The following ZNF761 variants were observed in gnomAD, a reference collection of about 807,000 sequenced individuals.
ZNF761 encodes the protein zinc finger protein 761.
In ZNF761, 43 loss-of-function variants were observed where a neutral mutation model predicts 59.9. That is an observed-to-expected ratio of 0.72 (90% confidence interval 0.56 to 0.92). The LOEUF is 0.92. Ranked by LOEUF, ZNF761 falls within the 40% of genes least tolerant of loss-of-function variation. ZNF761 has a pLI of 0.00. For missense variants in ZNF761, 850 were observed against 906.1 expected, an observed-to-expected ratio of 0.94 and a Z score of 0.79; for synonymous variants, 294 against 304.8, an observed-to-expected ratio of 0.96 and a Z score of 0.37.
intron 1 of ZNF761, among the ~76,000 whole-genome samples, chr19:53,436,125 T>C (rs372333835): frequency 6.6e-6 from 1 of 152,286 alleles, no homozygotes; most frequent in South Asian, 2.1e-4. Context: ...GTTCCACTTG[T>C]CCTGAACTGC....
Position 53,456,394 on chromosome 19 carries a change from C to A in ZNF761, c.1887C>A (p.Thr629=). The part of the protein sequence containing the change: ...SSLTCHRRLH[T]GEKPYKCEEC... ...TTACATGCCATCGTAGACTTCATACCGGAGAGAAACCTTACAAATGTGAAG... is the reference window on the plus strand; with the variant it reads ...TTACATGCCATCGTAGACTTCATACAGGAGAGAAACCTTACAAATGTGAAG... Residue 629 remains threonine, a synonymous_variant, in exon 5 of 5, where the codon ACC becomes ACA. Transcript: ENST00000684525. 6.3e-7 allele frequency: 1 copy of A among 1,594,018 alleles called. No individual in the cohort carries two copies. The highest frequency in any genetic ancestry group is 8.5e-7 in the Non-Finnish European group (1 of 1,172,120).
At chr19:53,454,099 G>A (rs2708745) in intron 4 of ZNF761, among the ~76,000 whole-genome samples, 6,808 of 151,910 alleles carry the variant, frequency 0.045, 532 homozygotes, top group African/African-American at 0.16. Context: ...TCAGCCTCCC[G>A]AGTAGCTGGG....
intron 1 of ZNF761, among the ~76,000 whole-genome samples, chr19:53,438,901 G>A (rs1276102101): frequency 2.0e-5 from 3 of 152,162 alleles, no homozygotes; most frequent in Non-Finnish European, 4.4e-5. Flanking sequence ...AAGAAAGCTC[G>A]TCTATGTACT....
chr19:53,442,413 T>C, intron 1 of ZNF761: 3 of 932,596 alleles, frequency 3.2e-6, no homozygotes, highest in Non-Finnish European at 5.2e-6. Flanking sequence ...AGAAGACAAA[T>C]GTGAGGAAGA....
At chr19:53,451,792 T>C (rs1481529886) in intron 4 of ZNF761, among the ~76,000 whole-genome samples, 1 of 150,260 alleles carries the variant, frequency 6.7e-6, no homozygotes, top group Non-Finnish European at 1.5e-5. Flanking sequence ...TTTCACCGTG[T>C]GAACCAGGAT....
At position 53,456,549 on chromosome 19, in the gene ZNF761, A is replaced by C; in HGVS notation, c.2042A>C (p.His681Pro). Reference sequence around the variant, plus strand: ...CGGAAGTCATATTTTATATGCCATCATAGACTTCATACTGGAGAGAAACCT... The same window carrying C: ...CGGAAGTCATATTTTATATGCCATCCTAGACTTCATACTGGAGAGAAACCT... ...FSRKSYFICH[H>P]RLHTGEKPYK... The change falls in exon 5 of 5, where the codon CAT (histidine) becomes CCT (proline). Residue 681 changes from histidine to proline, a missense_variant. By Grantham distance (77) the His-to-Pro change is moderately conservative. Coordinates refer to ENST00000684525, the MANE Select transcript of ZNF761 (RefSeq NM_001289951.2). 6.2e-7 allele frequency: 1 copy of C among 1,611,484 alleles called. No individual in the cohort carries two copies. Among genetic ancestry groups the C allele is most frequent in the Non-Finnish European group, 8.5e-7 (1 of 1,178,444 alleles).
intron 4 of ZNF761, chr19:53,449,930 G>GA (rs2086202223): frequency 1.7e-6 from 1 of 582,868 alleles, no homozygotes; most frequent in East Asian, 3.0e-5. Flanking sequence ...GAGCTCAAGA[G>GA]ATCCTCCTCA....
chr19:53,447,429 C>T (rs2086172570), intron 3 of ZNF761, 146 bp downstream of exon 3: 2 of 1,230,446 alleles, frequency 1.6e-6, no homozygotes, highest in East Asian at 4.7e-5. Flanking sequence ...TCCCTCTTAT[C>T]TCGCTTAGAT....
At position 53,456,333 on chromosome 19, in the gene ZNF761, A is replaced by G. The variant is rs765739007; in HGVS notation, c.1826A>G (p.Asn609Ser). 12 of 1,611,244 alleles carry G rather than the reference A, an allele frequency of 7.4e-6. No individual in the cohort carries two copies. Among genetic ancestry groups the G allele is most frequent in the African/African-American group, 2.7e-5 (2 of 74,880 alleles). The stretch of plus-strand genomic sequence containing the variant: ...ACTGAAGAGAATCCTTACAAGTGTA[A>G]TGAGTGTGGCAAGACCTTCAGTCGG... ...IHTEENPYKCNECGKTFSRTS... is the reference protein window; with the variant it reads ...IHTEENPYKCSECGKTFSRTS... The change falls in exon 5 of 5, where the codon AAT becomes AGT. Residue 609 changes from asparagine (N) to serine (S), a missense_variant. Physicochemically the swap from Asn to Ser is conservative, Grantham distance 46. Coordinates refer to ENST00000684525, the MANE Select transcript of ZNF761 (RefSeq NM_001289951.2).
rs191059548 is a variant in ZNF761, at chr19:53,432,948, G to A, written c.-185+920G>A. Among the ~76,000 whole-genome samples, 7 of 151,798 alleles carry A rather than the reference G, an allele frequency of 4.6e-5. No homozygotes were observed. The East Asian group carries it at 5.8e-4, about 13-fold the overall frequency. On this transcript the variant is annotated intron_variant, in intron 1 of 4. Transcript: ENST00000684525. ...AGAGGAGGAGGGATTTGGAGCCAGG[G>A]CAGACAGAGCAGAGTGGTGCTGGTG...
intron 1 of ZNF761, among the ~76,000 whole-genome samples, chr19:53,435,745 A>G: frequency 6.6e-6 from 1 of 152,020 alleles, no homozygotes; most frequent in East Asian, 1.9e-4. Flanking sequence ...TACCATGGTT[A>G]AGGGGGGTGA....
intron 3 of ZNF761, among the ~76,000 whole-genome samples, chr19:53,448,855 C>T (rs964313484): frequency 6.6e-6 from 1 of 151,336 alleles, no homozygotes; most frequent in African/African-American, 2.4e-5. Context: ...TCATTGCAAC[C>T]TCTGCCTCCT....
intron 1 of ZNF761, among the ~76,000 whole-genome samples, chr19:53,436,437 A>G (rs11666558): frequency 0.3 from 46,019 of 152,118 alleles, 7,999 homozygotes; most frequent in South Asian, 0.54. Flanking sequence ...ACTTATGATT[A>G]GGGCAGGCCG....
intron 1 of ZNF761, among the ~76,000 whole-genome samples, chr19:53,435,289 CTTTTTTTTTTTT>C (rs368157010): frequency 4.5e-4 from 24 of 53,588 alleles, no homozygotes; most frequent in Admixed American, 7.5e-4. Context: ...AATACAAGTC[CTTTTTTTTTTTT>C]TTTTTTTTTT....
Position 53,457,561 on chromosome 19 carries a change from G to T in ZNF761, c.*813G>T. ...AGAATATGAGAAAATTCATTTTGGA[G>T]GTAGTTGGTCCATATGCAATGAGTA... is the stretch of plus-strand genomic sequence containing the variant. On this transcript the variant is annotated 3_prime_UTR_variant, in exon 5 of 5. Transcript: ENST00000684525. 2 of 335,308 alleles carry T rather than the reference G, an allele frequency of 6.0e-6. No individual in the cohort carries two copies. Among genetic ancestry groups the T allele is most frequent in the South Asian group, 2.7e-5 (1 of 37,666 alleles). 20.8% of individuals were successfully genotyped at this position (335,308 alleles called of 1,614,324 possible).
intron 1 of ZNF761, among the ~76,000 whole-genome samples, chr19:53,437,362 C>T (rs1860709169): frequency 1.3e-5 from 2 of 151,862 alleles, no homozygotes; most frequent in African/African-American, 4.8e-5. Context: ...GTTGCTAATG[C>T]TGTTTTTCTT....
chr19:53,436,881 A>G (rs1285500188), intron 1 of ZNF761, among the ~76,000 whole-genome samples: 2 of 152,212 alleles, frequency 1.3e-5, no homozygotes. Flanking sequence ...GCTAAAGTTT[A>G]TAAGCAAGTT....
At chr19:53,443,801 C>G (rs1568805538) in intron 1 of ZNF761, 1 of 152,252 alleles carries the variant, frequency 6.6e-6, no homozygotes, top group Non-Finnish European at 1.5e-5. Flanking sequence ...AGAGATCAGA[C>G]TGTTACTGTG....
chr19:53,450,114 C>G (rs573873877), intron 4 of ZNF761: 21 of 273,938 alleles, frequency 7.7e-5, no homozygotes, highest in Non-Finnish European at 1.2e-4. Context: ...ACCAGCCCGG[C>G]CAACATGGTG....
Sources: gnomAD v4.1 joint callset for allele counts (sites outside exome capture counted in the v4.1 genomes callset) on GRCh38, gnomAD v4.1.1 for gene constraint, MANE v1.5 for transcripts, NCBI Gene and HGNC (gene_info 2026-07-23, HGNC 2026-07-21) for gene names.